The following FSTL5 variants were observed in gnomAD, a reference collection of about 807,000 sequenced individuals.
The protein encoded by FSTL5 is follistatin like 5.
In FSTL5, 62 loss-of-function variants were observed where a neutral mutation model predicts 89.1. That is an observed-to-expected ratio of 0.70 (90% CI 0.57 to 0.86). The LOEUF is 0.86. Among genes scored for constraint, FSTL5 ranks in the 40% least tolerant of loss-of-function variants. The pLI is 0.00. For missense variants in FSTL5, 1,057 were observed against 1,001.6 expected, an observed-to-expected ratio of 1.06 and a Z score of -0.75; for synonymous variants, 383 against 346.2, an observed-to-expected ratio of 1.11 and a Z score of -1.18.
At chr4:161,829,450 AAAAATCT>A in intron 4 of FSTL5, among the ~76,000 whole-genome samples, 1 of 151,732 alleles carries the variant, frequency 6.6e-6, no homozygotes, top group East Asian at 2.0e-4. Context: ...TTTTTAAGCT[AAAAATCT>A]ACACATATCA....
chr4:161,755,883 CA>C (rs1193251748), intron 6 of FSTL5, among the ~76,000 whole-genome samples: 1 of 151,956 alleles, frequency 6.6e-6, no homozygotes, highest in Non-Finnish European at 1.5e-5. Flanking sequence ...TGTCATTATA[CA>C]AAGCCTGTCA....
chr4:161,970,581 G>A (rs922876033), intron 3 of FSTL5, among the ~76,000 whole-genome samples: 1 of 152,004 alleles, frequency 6.6e-6, no homozygotes, highest in Non-Finnish European at 1.5e-5. Flanking sequence ...ATTGAACTAA[G>A]AGAAAAAAGT....
Position 161,386,300 on chromosome 4 carries a change from C to A in FSTL5, c.1991G>T (p.Gly664Val). Reference protein sequence around the residue: ...YTHLGGYYFIGCKPDSTGAVS... With the variant: ...YTHLGGYYFIVCKPDSTGAVS... ...TGCTCCGGTGCTGTCAGGTTTGCAG[C>A]CAATGAAGTAGTAGCCTCCCAAGTG... Residue 664 changes from glycine to valine, a missense_variant, in exon 16 of 16, where the codon GGC becomes GTC. Physicochemically the swap from Gly to Val is moderately radical, Grantham distance 109 (BLOSUM62 -3). Coordinates refer to ENST00000306100, the MANE Select transcript of FSTL5 (RefSeq NM_020116.5). 6.2e-7 allele frequency: 1 copy of A among 1,613,892 alleles called. No homozygotes were observed. The highest frequency in any genetic ancestry group is 8.5e-7 in the Non-Finnish European group (1 of 1,179,952).
chr4:161,664,337 C>T (rs1736814711), intron 6 of FSTL5, among the ~76,000 whole-genome samples: 1 of 152,128 alleles, frequency 6.6e-6, no homozygotes, highest in African/African-American at 2.4e-5. Flanking sequence ...TTAGTAGCAC[C>T]CAAATCACCT....
chr4:161,876,267 G>A (rs1323542860), intron 4 of FSTL5, among the ~76,000 whole-genome samples: 1 of 152,010 alleles, frequency 6.6e-6, no homozygotes, highest in Non-Finnish European at 1.5e-5. Flanking sequence ...TGAATATTTT[G>A]TAGAATATGC....
intron 3 of FSTL5, among the ~76,000 whole-genome samples, chr4:162,020,521 C>G (rs1041249611): frequency 6.6e-6 from 1 of 152,022 alleles, no homozygotes. Flanking sequence ...TTAACACTCA[C>G]CATAGCCTCA....
At chr4:161,988,770 G>A (rs1736031937) in intron 3 of FSTL5, among the ~76,000 whole-genome samples, 1 of 152,056 alleles carries the variant, frequency 6.6e-6, no homozygotes, top group South Asian at 2.1e-4. Flanking sequence ...CTAATTTAAA[G>A]TTACAGTACA....
intron 6 of FSTL5, among the ~76,000 whole-genome samples, chr4:161,670,522 A>G (rs547658784): frequency 6.6e-6 from 1 of 152,318 alleles, no homozygotes; most frequent in Non-Finnish European, 1.5e-5. Context: ...CATGTGGTGT[A>G]ATAGAATTTG....
intron 4 of FSTL5, among the ~76,000 whole-genome samples, chr4:161,842,864 A>C (rs1164352145): frequency 2.6e-5 from 4 of 152,290 alleles, no homozygotes; most frequent in Admixed American, 2.6e-4. Context: ...ATTATCCAAA[A>C]GAATTACTGG....
intron 15 of FSTL5, among the ~76,000 whole-genome samples, chr4:161,402,778 T>G (rs1731225700): frequency 6.6e-6 from 1 of 152,184 alleles, no homozygotes; most frequent in Non-Finnish European, 1.5e-5. Context: ...GAACCCCATT[T>G]GTTTTTCTGA....
chr4:161,560,045 G>A (rs1732536455), intron 8 of FSTL5, among the ~76,000 whole-genome samples: 2 of 121,346 alleles, frequency 1.6e-5, no homozygotes, highest in African/African-American at 5.7e-5. Flanking sequence ...AGTTTTCTTG[G>A]TGTGATTTTT....
intron 3 of FSTL5, among the ~76,000 whole-genome samples, chr4:161,923,971 ACATACCCTTTCTGACAGTAATTATC>A (rs1287492486): frequency 1.3e-5 from 2 of 151,850 alleles, no homozygotes; most frequent in East Asian, 3.9e-4. Flanking sequence ...AATAGCTAGA[ACATACCCTTTCTGACAGTAATTATC>A]CATGACTAAT....
chr4:161,915,699 T>G (rs1733818909), intron 4 of FSTL5, among the ~76,000 whole-genome samples: 1 of 152,162 alleles, frequency 6.6e-6, no homozygotes, highest in African/African-American at 2.4e-5. Context: ...AAATTTTATC[T>G]ACATTTCTTA....
intron 6 of FSTL5, among the ~76,000 whole-genome samples, chr4:161,699,361 C>T (rs2126728234): frequency 6.6e-6 from 1 of 152,246 alleles, no homozygotes; most frequent in African/African-American, 2.4e-5. Flanking sequence ...ATTTGCTGAA[C>T]ATTGAACATG....
chr4:162,086,938 C>T (rs2111347199), intron 2 of FSTL5, among the ~76,000 whole-genome samples: 1 of 152,080 alleles, frequency 6.6e-6, no homozygotes, highest in African/African-American at 2.4e-5. Flanking sequence ...TTGTGAATAT[C>T]AATATGACTA....
intron 3 of FSTL5, among the ~76,000 whole-genome samples, chr4:161,947,453 T>TA (rs147975170): frequency 6.6e-6 from 1 of 152,246 alleles, no homozygotes; most frequent in African/African-American, 2.4e-5. Context: ...AATTCTTTTT[T>TA]CACCCTATAA....
intron 4 of FSTL5, among the ~76,000 whole-genome samples, chr4:161,903,253 A>C (rs1251719153): frequency 6.6e-6 from 1 of 152,102 alleles, no homozygotes; most frequent in African/African-American, 2.4e-5. Flanking sequence ...AAAAGACACT[A>C]TCGATGTGAC....
chr4:161,430,730 A>G (rs1434207666), intron 15 of FSTL5, among the ~76,000 whole-genome samples: 1 of 152,110 alleles, frequency 6.6e-6, no homozygotes, highest in Non-Finnish European at 1.5e-5. Flanking sequence ...ACAGAGCGCG[A>G]CTCCGTCAGA....
chr4:161,880,476 G>A (rs957931745), intron 4 of FSTL5, among the ~76,000 whole-genome samples: 1 of 152,058 alleles, frequency 6.6e-6, no homozygotes, highest in Non-Finnish European at 1.5e-5. Context: ...CAGTTTGGCA[G>A]TTCCTTAATA....
Sources: gnomAD v4.1 joint callset for allele counts (sites outside exome capture counted in the v4.1 genomes callset) on GRCh38, gnomAD v4.1.1 for gene constraint, MANE v1.5 for transcripts, NCBI Gene and HGNC (gene_info 2026-07-23, HGNC 2026-07-21) for gene names.